PPFIA2: variants seen among roughly 807,000 people sequenced by gnomAD.
The protein encoded by PPFIA2 is liprin-alpha-2.
A neutral mutation model predicts 175.5 loss-of-function variants in PPFIA2; 46 were observed. The ratio of observed to expected loss-of-function variants is 0.26; its 90% CI spans 0.21 to 0.34. The LOEUF is 0.34. Ranked by LOEUF, PPFIA2 falls within the 10% of genes least tolerant of loss-of-function variation. The pLI, the probability that PPFIA2 is intolerant of heterozygous loss-of-function variation, is 1.00. For synonymous variants in PPFIA2, 568 were observed against 511.4 expected (o/e 1.11, Z -1.49); for missense variants, 1,179 against 1,506.1 (o/e 0.78, Z 3.60).
rs4429142 is a variant in PPFIA2 at position 81,415,212 on chromosome 12, T to A, written c.646-9309A>T. 9.1e-3 allele frequency among the ~76,000 whole-genome samples: 133 copies of A among 14,614 alleles called. 5 individuals carry two copies. Among genetic ancestry groups the A allele is most frequent in the Non-Finnish European group, 0.011 (86 of 7,666 alleles). The allele number at this position is 14,614 out of a possible 152,430, so 9.6% of individuals were successfully genotyped here. On this transcript the variant is annotated intron_variant, in intron 7 of 32. Transcript: ENST00000549396. ...AAAAAAAAAAAAAAAAAAAAAAAAA[T>A]ATATATATATATATATATATATATA...
At chr12:81,486,028 A>G (rs2058770951) in intron 4 of PPFIA2, among the ~76,000 whole-genome samples, 1 of 151,914 alleles carries the variant, frequency 6.6e-6, no homozygotes, top group South Asian at 2.1e-4. Flanking sequence ...ATTGTACACA[A>G]TCTCTGATAT....
intron 4 of PPFIA2, among the ~76,000 whole-genome samples, chr12:81,566,872 A>G (rs1470006850): frequency 2.6e-5 from 4 of 152,358 alleles, no homozygotes; most frequent in Admixed American, 2.6e-4. Context: ...ACACTGACAT[A>G]GATGTATATC....
At chr12:81,343,963 A>T (rs1443106419) in intron 19 of PPFIA2, among the ~76,000 whole-genome samples, 2 of 151,982 alleles carry the variant, frequency 1.3e-5, no homozygotes, top group Admixed American at 1.3e-4. Flanking sequence ...ACTCTAAATC[A>T]TCTTCTCCAT....
At chr12:81,685,162 T>G (rs1596373434) in intron 3 of PPFIA2, among the ~76,000 whole-genome samples, 2 of 152,010 alleles carry the variant, frequency 1.3e-5, no homozygotes, top group East Asian at 3.9e-4. Context: ...AACAAATCAT[T>G]CACTTTTTCA....
chr12:81,707,545 G>A (rs2077340127), intron 3 of PPFIA2, among the ~76,000 whole-genome samples: 2 of 150,216 alleles, frequency 1.3e-5, no homozygotes, highest in South Asian at 4.2e-4. Flanking sequence ...AGGATGTGGA[G>A]AAATAGGAAC....
At chr12:81,267,734 T>C (rs113577916) in intron 29 of PPFIA2, among the ~76,000 whole-genome samples, 178 bp downstream of exon 29, 7 of 112,984 alleles carry the variant, frequency 6.2e-5, no homozygotes, top group Non-Finnish European at 1.4e-4. Context: ...TATGATTTTT[T>C]TTTTTTTTTT....
chr12:81,710,520 T>C (rs531926938), intron 3 of PPFIA2, among the ~76,000 whole-genome samples: 2 of 152,124 alleles, frequency 1.3e-5, no homozygotes, highest in Non-Finnish European at 2.9e-5. Context: ...CATGCAGGTA[T>C]AAATATAGTT....
intron 4 of PPFIA2, among the ~76,000 whole-genome samples, chr12:81,462,585 CATATATAT>C (rs71098145): frequency 8.0e-6 from 1 of 124,678 alleles, no homozygotes; most frequent in Admixed American, 8.8e-5. Context: ...TATATATATA[CATATATAT>C]ATATATATAT....
rs936955113 is a variant in PPFIA2 at position 81,302,224 on chromosome 12, A to AT, written c.2643-2843dup. ...CAACATTTTGTATTTTAAAGAACAA[A>AT]TTTTTTTCTTGCATCTTACCTCCTC... is the stretch of plus-strand genomic sequence containing the variant. On this transcript the variant is annotated intron_variant, in intron 22 of 32. Coordinates refer to ENST00000549396, the MANE Select transcript of PPFIA2 (RefSeq NM_003625.5). 57 of 404,672 alleles carry AT rather than the reference A, an allele frequency of 1.4e-4. 1 individual carries two copies. In the Admixed American group the frequency reaches 1.5e-3, roughly 11 times the overall value. 25.1% of individuals were successfully genotyped at this position (404,672 alleles called of 1,614,324 possible).
chr12:81,521,449 A>G (rs763393488), intron 4 of PPFIA2, among the ~76,000 whole-genome samples: 16 of 152,200 alleles, frequency 1.1e-4, no homozygotes, highest in Admixed American at 6.5e-5. Flanking sequence ...AGTACAGTGT[A>G]CATATGCAGT....
intron 4 of PPFIA2, among the ~76,000 whole-genome samples, chr12:81,642,717 TTATA>T (rs1567687868): frequency 1.1e-5 from 1 of 89,994 alleles, no homozygotes; most frequent in African/African-American, 3.9e-5. Context: ...TATGTATGTA[TTATA>T]TACATACATG....
At chr12:81,748,895 C>G (rs893306384) in intron 3 of PPFIA2, among the ~76,000 whole-genome samples, 2 of 144,734 alleles carry the variant, frequency 1.4e-5, no homozygotes, top group Non-Finnish European at 3.1e-5. Context: ...TTTTGCACCA[C>G]ACATAATAAC....
At chr12:81,483,849 T>C (rs1260886659) in intron 4 of PPFIA2, among the ~76,000 whole-genome samples, 1 of 152,116 alleles carries the variant, frequency 6.6e-6, no homozygotes, top group Non-Finnish European at 1.5e-5. Context: ...GCTGTACACT[T>C]GGGAACTTAT....
chr12:81,425,148 A>G (rs1424125961), intron 7 of PPFIA2, among the ~76,000 whole-genome samples: 4 of 152,190 alleles, frequency 2.6e-5, no homozygotes, highest in Non-Finnish European at 5.9e-5. Context: ...CAAGATCTCA[A>G]TACATTTTCA....
intron 3 of PPFIA2, among the ~76,000 whole-genome samples, chr12:81,719,038 AAT>A (rs909576010): frequency 6.6e-6 from 1 of 151,678 alleles, no homozygotes; most frequent in African/African-American, 2.4e-5. Context: ...TAAATTGACA[AAT>A]AAAGAACAAA....
intron 4 of PPFIA2, among the ~76,000 whole-genome samples, chr12:81,663,516 C>A (rs940080694): frequency 6.6e-6 from 1 of 152,110 alleles, no homozygotes; most frequent in Non-Finnish European, 1.5e-5. Context: ...GAACTACAAA[C>A]CACTGCTCAA....
chr12:81,259,350 G>A lies in PPFIA2; in HGVS notation c.*344C>T, dbSNP rs1314974444. On this transcript the variant is annotated 3_prime_UTR_variant, in exon 33 of 33. Transcript: ENST00000549396. ...CTTACACATTTAAAAAGAAATGCAC[G>A]GTAATACATAAATGCCTAGTATATT... The A allele has an allele frequency of 1.3e-5, 7 of 528,620 alleles. No individual in the cohort carries two copies. The highest frequency in any genetic ancestry group is 5.8e-5 in the African/African-American group (3 of 51,408). The allele number at this position is 528,620 out of a possible 1,614,324, so 32.7% of individuals were successfully genotyped here.
At chr12:81,637,075 T>A (rs908757833) in intron 4 of PPFIA2, among the ~76,000 whole-genome samples, 4 of 151,712 alleles carry the variant, frequency 2.6e-5, no homozygotes, top group Non-Finnish European at 2.9e-5. Context: ...TATCTTTTTT[T>A]TTTCTTTTTG....
intron 17 of PPFIA2, 146 bp downstream of exon 17, chr12:81,352,973 T>C (rs2060282221): frequency 1.5e-6 from 1 of 649,296 alleles, no homozygotes; most frequent in South Asian, 2.0e-5. Context: ...CACATTCTGA[T>C]TCAGTGTGTA....
Sources: allele counts gnomAD v4.1 joint callset (sites outside exome capture counted in the v4.1 genomes callset), GRCh38; gene constraint gnomAD v4.1.1; transcripts MANE v1.5; gene names NCBI Gene and HGNC (gene_info 2026-07-23, HGNC 2026-07-21).